PREX2: variants seen among roughly 807,000 people sequenced by gnomAD.
PREX2 encodes the protein phosphatidylinositol-3,4,5-trisphosphate dependent Rac exchange factor 2, also known as phosphatidylinositol 3,4,5-trisphosphate-dependent Rac exchanger 2 protein.
In PREX2, 107 loss-of-function variants were observed where a neutral mutation model predicts 203.2. The observed-to-expected ratio is 0.53, with a 90% CI of 0.45 to 0.62. The LOEUF is 0.62. Ranked by LOEUF, PREX2 falls within the 20% of genes least tolerant of loss-of-function variation. PREX2 has a pLI of 0.00. For synonymous variants in PREX2, 672 were observed against 663.6 expected, an observed-to-expected ratio of 1.01 and a Z score of -0.19; for missense variants, 1,777 against 1,955.9, an observed-to-expected ratio of 0.91 and a Z score of 1.72.
intron 35 of PREX2, among the ~76,000 whole-genome samples, chr8:68,179,385 C>G (rs1479947879): frequency 1.3e-5 from 2 of 151,720 alleles, no homozygotes; most frequent in African/African-American, 4.8e-5. Context: ...TATTATATAT[C>G]TGTGTGTGTT....
At position 68,133,952 on chromosome 8, in the gene PREX2, G is replaced by A. The variant is rs1811058036; in HGVS notation, c.3767-107G>A. The A allele has an allele frequency of 2.8e-5, 23 of 833,966 alleles. No individual in the cohort carries two copies. In the South Asian group the frequency reaches 3.3e-4, roughly 12 times the overall value. The allele number at this position is 833,966 out of a possible 1,614,324, so 51.7% of individuals were successfully genotyped here. ...TCAAATTCACATTTTTCACATGCGT[G>A]AGTTTAGTGAAAAGATGAAATGCTA... On this transcript the variant is annotated intron_variant, in intron 31 of 39. Transcript: ENST00000288368.
At chr8:68,180,419 GATTTATGAATT>G (rs1812061568) in intron 35 of PREX2, among the ~76,000 whole-genome samples, 1 of 152,072 alleles carries the variant, frequency 6.6e-6, no homozygotes, top group South Asian at 2.1e-4. Flanking sequence ...GGTGCTGCCT[GATTTATGAATT>G]ATTTGTTTAT....
chr8:68,196,186 C>T (rs1812390366), intron 37 of PREX2, among the ~76,000 whole-genome samples: 1 of 151,786 alleles, frequency 6.6e-6, no homozygotes, highest in Non-Finnish European at 1.5e-5. Context: ...GTCATCATTG[C>T]TATTAAATAG....
At chr8:67,984,234 C>T (rs376463444) in intron 1 of PREX2, among the ~76,000 whole-genome samples, 1 of 152,166 alleles carries the variant, frequency 6.6e-6, no homozygotes, top group Non-Finnish European at 1.5e-5. Flanking sequence ...CACTTTCATG[C>T]AAGTATTCAT....
chr8:68,022,080 GA>G lies in PREX2; in HGVS notation c.383del (p.Lys128ArgfsTer12), dbSNP rs1440762339. The G allele has an allele frequency of 6.3e-7, 1 of 1,576,000 alleles. No individual in the cohort carries two copies. The highest frequency in any genetic ancestry group is 8.7e-7 in the Non-Finnish European group (1 of 1,145,646). ...IYDEYCSNHE[K>X]AQKLLLELNK... Reference sequence around the variant, plus strand: ...ATGATGAATATTGTAGTAACCATGAGAAGGCACAAAAATTACTTCTTGAACT... The same window carrying G: ...ATGATGAATATTGTAGTAACCATGAGAGGCACAAAAATTACTTCTTGAACT... On this transcript the variant is annotated frameshift_variant, in exon 4 of 40. Transcript: ENST00000288368. LOFTEE classifies it high-confidence loss of function.
chr8:68,182,473 G>T (rs1426778218), intron 35 of PREX2, among the ~76,000 whole-genome samples: 1 of 152,012 alleles, frequency 6.6e-6, no homozygotes, highest in Admixed American at 6.6e-5. Context: ...CAATGTTAAT[G>T]GAGTTGTAGC....
At chr8:68,011,153 G>A (rs1807246643) in intron 1 of PREX2, among the ~76,000 whole-genome samples, 1 of 152,112 alleles carries the variant, frequency 6.6e-6, no homozygotes. Flanking sequence ...ATTCCTTGGG[G>A]AACTAAGAGT....
At chr8:67,969,773 C>T (rs954269925) in intron 1 of PREX2, among the ~76,000 whole-genome samples, 1 of 152,116 alleles carries the variant, frequency 6.6e-6, no homozygotes, top group Non-Finnish European at 1.5e-5. Flanking sequence ...ACAGCTTGTT[C>T]GAAGGTTGCC....
chr8:68,013,010 A>G (rs1241232295), intron 1 of PREX2, among the ~76,000 whole-genome samples: 1 of 152,338 alleles, frequency 6.6e-6, no homozygotes, highest in Admixed American at 6.5e-5. Flanking sequence ...TACACTAGGG[A>G]AATTAATGCA....
intron 23 of PREX2, chr8:68,105,698 T>A (rs1424858114): frequency 8.8e-5 from 21 of 237,392 alleles, no homozygotes; most frequent in Middle Eastern, 2.1e-3. Context: ...TATATATATA[T>A]ATGGATATAT....
chr8:68,221,241 C>T (rs890067972), intron 38 of PREX2, among the ~76,000 whole-genome samples: 1 of 152,166 alleles, frequency 6.6e-6, no homozygotes, highest in Non-Finnish European at 1.5e-5. Context: ...ATATGTACCA[C>T]ATGTTTTTTA....
chr8:68,072,421 A>G (rs777822703), intron 13 of PREX2, 74 bp from the exon 14 acceptor site: 5 of 779,552 alleles, frequency 6.4e-6, no homozygotes, highest in Non-Finnish European at 1.1e-5. Flanking sequence ...AAATGAAAAT[A>G]TTTTCTTGTG....
At chr8:68,206,527 C>A (rs894365879) in intron 37 of PREX2, among the ~76,000 whole-genome samples, 2 of 152,122 alleles carry the variant, frequency 1.3e-5, no homozygotes, top group East Asian at 3.9e-4. Flanking sequence ...CTCTTCTGAT[C>A]TGTAAGAAAT....
rs141294901 is a variant in PREX2 at position 67,971,788 on chromosome 8, C to A, written c.141+19253C>A. 2.0e-5 allele frequency among the ~76,000 whole-genome samples: 3 copies of A among 152,086 alleles called. No individual in the cohort carries two copies. In the South Asian group the frequency reaches 6.2e-4, roughly 32 times the overall value. On this transcript the variant is annotated intron_variant, in intron 1 of 39. Coordinates refer to ENST00000288368, the MANE Select transcript of PREX2 (RefSeq NM_024870.4). ...TGATTTAACTTAGGTAGAAAGCAGT[C>A]AACAAATCATTTTCCATGTGTCTGA...
chr8:68,182,873 A>G (rs1016960526), intron 35 of PREX2, among the ~76,000 whole-genome samples: 3 of 151,672 alleles, frequency 2.0e-5, no homozygotes, highest in South Asian at 2.1e-4. Context: ...GAAGTTCTCA[A>G]GATGTCACAT....
In PREX2 at chr8:68,080,761, G is replaced by A; in HGVS notation, c.1801G>A (p.Gly601Ser). Reference sequence around the variant, plus strand: ...TGCATTTCAGATTAAATCCAATGAAGGCAGCTATGGCTTTGGATTAGAAGA... The same window carrying A: ...TGCATTTCAGATTAAATCCAATGAAAGCAGCTATGGCTTTGGATTAGAAGA... ...AKSLLIKSNE[G>S]SYGFGLEDKN... Residue 601 changes from glycine (G) to serine (S), a missense_variant, in exon 17 of 40, where the codon GGC becomes AGC. Gly to Ser is a moderately conservative substitution (Grantham distance 56). Coordinates refer to ENST00000288368, the MANE Select transcript of PREX2 (RefSeq NM_024870.4). The A allele has an allele frequency of 6.4e-7, 1 of 1,563,792 alleles. No individual in the cohort carries two copies. Among genetic ancestry groups the A allele is most frequent in the African/African-American group, 1.4e-5 (1 of 72,868 alleles).
chr8:68,220,920 C>T (rs1017741647), intron 38 of PREX2, among the ~76,000 whole-genome samples: 24 of 152,090 alleles, frequency 1.6e-4, no homozygotes, highest in African/African-American at 5.3e-4. Context: ...TACATGGATA[C>T]GTTGCATAAT....
chr8:68,134,216 GGACC>G lies in PREX2; in HGVS notation c.3925_3928del (p.Asp1309ArgfsTer2). Reference sequence around the variant, plus strand: ...CTTGGGAAGCCAGCAGGAGGTGGCTGGACCAGATAGCGAATGCAGGTGTTCTTTT... The same window carrying G: ...CTTGGGAAGCCAGCAGGAGGTGGCTGAGATAGCGAATGCAGGTGTTCTTTT... On this transcript the variant is annotated frameshift_variant, in exon 32 of 40. Transcript: ENST00000288368. LOFTEE classifies it high-confidence loss of function. 6.2e-7 allele frequency: 1 copy of G among 1,614,134 alleles called. No homozygotes were observed. The highest frequency in any genetic ancestry group is 8.5e-7 in the Non-Finnish European group (1 of 1,179,992).
chr8:68,189,288 G>C (rs1050219646), intron 35 of PREX2, among the ~76,000 whole-genome samples: 14 of 152,156 alleles, frequency 9.2e-5, no homozygotes, highest in African/African-American at 2.7e-4. Context: ...AATGAGGCAA[G>C]TTCCATGGCC....
Sources: gnomAD v4.1 joint callset for allele counts (sites outside exome capture counted in the v4.1 genomes callset) on GRCh38, gnomAD v4.1.1 for gene constraint, MANE v1.5 for transcripts, NCBI Gene and HGNC (gene_info 2026-07-23, HGNC 2026-07-21) for gene names.